Variants in GGA2 observed in about 807,000 individuals in gnomAD.
GGA2 encodes the protein ADP-ribosylation factor-binding protein GGA2.
GGA2 carries 48 observed loss-of-function variants against 79.5 expected under a neutral mutation model. The observed-to-expected ratio is 0.60, with a 90% CI of 0.48 to 0.77. The LOEUF (loss-of-function observed/expected upper bound fraction) is 0.77, where lower values mean the gene tolerates loss of function less well. GGA2 is among the 30% of genes least tolerant of loss of function. The pLI is 0.00. For missense variants in GGA2, 770 were observed against 774.0 expected, an observed-to-expected ratio of 0.99 and a Z score of 0.06; for synonymous variants, 317 against 302.0, an observed-to-expected ratio of 1.05 and a Z score of -0.51.
chr16:23,469,396 G>GT (rs1321706277), intron 15 of GGA2: 1 of 185,624 alleles, frequency 5.4e-6, no homozygotes, highest in Non-Finnish European at 1.2e-5. Context: ...TAGGACTACC[G>GT]TAAGAAGTAG....
chr16:23,512,526 G>T (rs1965078867), upstream of GGA2, among the ~76,000 whole-genome samples: 1 of 150,878 alleles, frequency 6.6e-6, no homozygotes, highest in African/African-American at 2.4e-5. Context: ...GATGATTCTT[G>T]TCCACACACA....
rs142255554 is a variant in GGA2 at position 23,482,991 on chromosome 16, C to T, written c.812G>A (p.Arg271Lys). The T allele has an allele frequency of 2.7e-5, 43 of 1,610,148 alleles. No individual in the cohort carries two copies. The African/African-American group carries it at 5.7e-4, about 22-fold the overall frequency. Residue 271 changes from arginine (R) to lysine (K), a missense_variant, in exon 9 of 17, where the codon AGG (arginine) becomes AAG (lysine). Transcript: ENST00000309859. ...DQEALQVVYE[R>K]CEKLRPTLFR... Reference sequence around the variant, plus strand: ...CAGCGTGGGCCGCAGCTTTTCACACCTCTCATACACGACCTGAAAGAGCAG... The same window carrying T: ...CAGCGTGGGCCGCAGCTTTTCACACTTCTCATACACGACCTGAAAGAGCAG...
intron 6 of GGA2, among the ~76,000 whole-genome samples, 159 bp downstream of exon 6, chr16:23,488,447 C>T (rs1004883465): frequency 1.3e-5 from 2 of 152,120 alleles, no homozygotes; most frequent in African/African-American, 2.4e-5. Flanking sequence ...CCATGAAGAA[C>T]GCACCCAAAC....
At chr16:23,516,052 G>C (rs1174132631) in intron 2 of GGA2, among the ~76,000 whole-genome samples, 3 of 149,958 alleles carry the variant, frequency 2.0e-5, no homozygotes, top group African/African-American at 7.4e-5. Flanking sequence ...CTGTTGCCCA[G>C]GCTGGAGAGC....
chr16:23,505,490 C>A (rs750526117), intron 1 of GGA2, among the ~76,000 whole-genome samples: 10 of 152,092 alleles, frequency 6.6e-5, no homozygotes, highest in Non-Finnish European at 1.0e-4. Context: ...GGAATAATGA[C>A]CAAAATACAT....
chr16:23,514,096 C>T (rs1399453868), upstream of GGA2, among the ~76,000 whole-genome samples: 4 of 151,960 alleles, frequency 2.6e-5, no homozygotes, highest in African/African-American at 7.2e-5. Flanking sequence ...CCCATGTCAA[C>T]ATAAAACTTT....
intron 2 of GGA2, among the ~76,000 whole-genome samples, chr16:23,518,926 T>C (rs552419887): frequency 1.8e-4 from 27 of 152,084 alleles, no homozygotes; most frequent in Non-Finnish European, 3.2e-4. Flanking sequence ...TGTACAAATA[T>C]ATAATTTCAT....
At chr16:23,493,843 C>A (rs769478175) in intron 3 of GGA2, 50 of 299,934 alleles carry the variant, frequency 1.7e-4, no homozygotes, top group Admixed American at 1.4e-4. Flanking sequence ...AAGAGGCAAG[C>A]TGAGCCTGCA....
rs755330227 is a variant in GGA2 at position 23,470,039 on chromosome 16, G to A, written c.1577C>T (p.Pro526Leu). ...AAACATGATATCCCAGACAGGCTGGGGAGCCGTGCTCATCATGGTCAAGAG... is the reference window on the plus strand; with the variant it reads ...AAACATGATATCCCAGACAGGCTGGAGAGCCGTGCTCATCATGGTCAAGAG... ...VLLLTMMSTA[P>L]QPVWDIMFQV... The change falls in exon 15 of 17, where the codon CCC becomes CTC. Residue 526 changes from proline (P) to leucine (L), a missense_variant. Physicochemically the swap from Pro to Leu is moderately conservative, Grantham distance 98 (BLOSUM62 -3). Transcript: ENST00000309859. 1.3e-6 allele frequency: 2 copies of A among 1,596,024 alleles called. No individual in the cohort carries two copies. Among genetic ancestry groups the A allele is most frequent in the Non-Finnish European group, 1.7e-6 (2 of 1,171,400 alleles).
intron 10 of GGA2, chr16:23,480,428 TTG>T (rs1264427137): frequency 4.0e-6 from 2 of 498,900 alleles, no homozygotes; most frequent in African/African-American, 3.8e-5. Flanking sequence ...CCATCTGCTT[TTG>T]TGTGTAGTCA....
chr16:23,493,887 C>A (rs1462611813), intron 3 of GGA2: 11 of 283,588 alleles, frequency 3.9e-5, no homozygotes, highest in African/African-American at 2.4e-4. Flanking sequence ...TGGCTTTCAA[C>A]ACTGCAAATT....
At chr16:23,519,197 T>C (rs952651094) in intron 2 of GGA2, among the ~76,000 whole-genome samples, 12 of 152,004 alleles carry the variant, frequency 7.9e-5, no homozygotes, top group Admixed American at 3.9e-4. Flanking sequence ...TGTGCATCAC[T>C]ACACACCACT....
chr16:23,477,584 A>G (rs992336906), intron 13 of GGA2, among the ~76,000 whole-genome samples: 1 of 152,106 alleles, frequency 6.6e-6, no homozygotes, highest in African/African-American at 2.4e-5. Flanking sequence ...TCTACTAAAA[A>G]AAAATACAAA....
chr16:23,507,671 G>A (rs1964988648), intron 1 of GGA2, among the ~76,000 whole-genome samples: 1 of 142,346 alleles, frequency 7.0e-6, no homozygotes, highest in African/African-American at 2.6e-5. Flanking sequence ...GTGGTGGCGT[G>A]TGCCCGTAAT....
At position 23,475,055 on chromosome 16, in the gene GGA2, A is replaced by G; in HGVS notation, c.1299T>C (p.Tyr433=). 1 of 1,571,224 alleles carries G rather than the reference A, an allele frequency of 6.4e-7. No homozygotes were observed. Among genetic ancestry groups the G allele is most frequent in the Non-Finnish European group, 8.6e-7 (1 of 1,161,206 alleles). ...CCTTGGGGACACTTTTCTGCGAAAC[A>G]TAATTCCTACAAAGAAATAAAAAAT... ...SAQPAPCPLN[Y]VSQKSVPKEV... Residue 433 remains tyrosine, a synonymous_variant, in exon 14 of 17, where the codon TAT becomes TAC. Transcript: ENST00000309859.
chr16:23,510,593 C>T, upstream of GGA2: 1 of 384,564 alleles, frequency 2.6e-6, no homozygotes, highest in Non-Finnish European at 4.6e-6. Flanking sequence ...ATTTCTTAGT[C>T]CAGATCCCTC....
chr16:23,513,106 A>G (rs1232824220), upstream of GGA2, among the ~76,000 whole-genome samples: 1 of 152,160 alleles, frequency 6.6e-6, no homozygotes, highest in South Asian at 2.1e-4. Flanking sequence ...ACGTGACTAG[A>G]GTCTCCACAT....
intron 1 of GGA2, among the ~76,000 whole-genome samples, chr16:23,520,133 A>T (rs888251238): frequency 2.6e-5 from 4 of 152,012 alleles, no homozygotes; most frequent in Admixed American, 6.6e-5. Context: ...CATGCCTGTA[A>T]TCCCAGCTAC....
At chr16:23,517,944 A>G (rs932691511) in intron 2 of GGA2, among the ~76,000 whole-genome samples, 1 of 148,554 alleles carries the variant, frequency 6.7e-6, no homozygotes, top group African/African-American at 2.5e-5. Flanking sequence ...TTTGAGATGG[A>G]GTCTGTCACC....
Sources: allele counts gnomAD v4.1 joint callset (sites outside exome capture counted in the v4.1 genomes callset), GRCh38; gene constraint gnomAD v4.1.1; transcripts MANE v1.5; gene names NCBI Gene and HGNC (gene_info 2026-07-23, HGNC 2026-07-21).